The following CADM1 variants were observed in gnomAD, a reference collection of about 807,000 sequenced individuals.
CADM1 encodes TSLC-1.
A neutral mutation model predicts 53.1 loss-of-function variants in CADM1; 15 were observed. The ratio of observed to expected loss-of-function variants is 0.28; its 90% CI spans 0.19 to 0.44. The LOEUF is 0.44. Among genes scored for constraint, CADM1 ranks in the 20% least tolerant of loss-of-function variants. The pLI is 1.00. For synonymous variants in CADM1, 281 were observed against 243.0 expected, an observed-to-expected ratio of 1.16 and a Z score of -1.45; for missense variants, 434 against 611.3, an observed-to-expected ratio of 0.71 and a Z score of 3.06.
chr11:115,235,523 T>A (rs1322371810), intron 3 of CADM1, among the ~76,000 whole-genome samples: 1 of 152,176 alleles, frequency 6.6e-6, no homozygotes, highest in East Asian at 1.9e-4. Context: ...GAAAATCACA[T>A]AGAGGGAAAT....
At chr11:115,300,746 C>T (rs1275350428) in intron 1 of CADM1, among the ~76,000 whole-genome samples, 1 of 152,092 alleles carries the variant, frequency 6.6e-6, no homozygotes, top group Non-Finnish European at 1.5e-5. Context: ...ACATGGAGGG[C>T]TGCTTCCTCA....
intron 1 of CADM1, among the ~76,000 whole-genome samples, chr11:115,348,352 C>A (rs1288897872): frequency 1.3e-5 from 2 of 152,180 alleles, no homozygotes; most frequent in Non-Finnish European, 2.9e-5. Flanking sequence ...TTTCTTCCTG[C>A]AGACACATGC....
At chr11:115,257,276 TTA>T (rs1406659048) in intron 1 of CADM1, among the ~76,000 whole-genome samples, 5 of 152,210 alleles carry the variant, frequency 3.3e-5, no homozygotes, top group Non-Finnish European at 4.4e-5. Flanking sequence ...TTGTAGCACC[TTA>T]TACTTGGGAT....
At chr11:115,388,245 G>A (rs1343016606) in intron 1 of CADM1, among the ~76,000 whole-genome samples, 2 of 152,222 alleles carry the variant, frequency 1.3e-5, no homozygotes, top group East Asian at 3.9e-4. Flanking sequence ...GACAATGAGA[G>A]TGGGTGGGTG....
intron 1 of CADM1, among the ~76,000 whole-genome samples, chr11:115,481,125 C>T (rs1183508101): frequency 6.6e-6 from 1 of 152,140 alleles, no homozygotes; most frequent in East Asian, 1.9e-4. Context: ...GTCCCCTTCT[C>T]CCTCACCCTA....
At chr11:115,214,530 A>G in intron 7 of CADM1, 78 bp downstream of exon 7, 4 of 1,443,194 alleles carry the variant, frequency 2.8e-6, no homozygotes, top group Non-Finnish European at 2.9e-6. Context: ...AACTTGACCA[A>G]AAGCTTTGAG....
intron 1 of CADM1, among the ~76,000 whole-genome samples, chr11:115,443,118 A>C (rs549843514): frequency 1.0e-3 from 152 of 152,352 alleles, no homozygotes; most frequent in Non-Finnish European, 1.6e-3. Context: ...GAGTAAATAC[A>C]AATATTCTTG....
At chr11:115,352,351 T>C (rs1945759373) in intron 1 of CADM1, among the ~76,000 whole-genome samples, 1 of 152,220 alleles carries the variant, frequency 6.6e-6, no homozygotes, top group African/African-American at 2.4e-5. Context: ...GTGCCCTGCA[T>C]TTAAGAAGCA....
intron 1 of CADM1, among the ~76,000 whole-genome samples, chr11:115,286,274 A>C (rs925447637): frequency 1.5e-4 from 23 of 152,218 alleles, no homozygotes; most frequent in Admixed American, 1.2e-3. Context: ...ACAAGGGCTA[A>C]TATAATACTA....
In CADM1 at chr11:115,228,814, T is replaced by A. The variant is rs77422931; in HGVS notation, c.721+299A>T. On this transcript the variant is annotated intron_variant, in intron 5 of 11. Coordinates refer to ENST00000331581, the MANE Select transcript of CADM1 (RefSeq NM_001301043.2). Reference sequence around the variant, plus strand: ...AAAAGGGGGAAAATTACCCTAGATTTTGCAGTTGGCATAGAAATGATGACA... The same window carrying A: ...AAAAGGGGGAAAATTACCCTAGATTATGCAGTTGGCATAGAAATGATGACA... Among the ~76,000 whole-genome samples, 1,122 of 152,300 alleles carry A rather than the reference T, an allele frequency of 7.4e-3. 19 individuals are homozygous for A. Among genetic ancestry groups the A allele is most frequent in the African/African-American group, 0.026 (1,068 of 41,560 alleles).
Position 115,260,675 on chromosome 11 carries a change from TTTTA to T in CADM1, c.125-20259_125-20256del, listed in dbSNP as rs1026121350. On this transcript the variant is annotated intron_variant, in intron 1 of 11. Transcript: ENST00000331581. ...CTTTTTTTAAATTTTTATTTATTTA[TTTTA>T]TTTATTTTTTTCAGACGGGGTCTCG... Among the ~76,000 whole-genome samples the T allele has an allele frequency of 2.1e-3, 314 of 150,700 alleles. 1 individual carries two copies. The highest frequency in any genetic ancestry group is 7.4e-3 in the African/African-American group (298 of 40,114).
chr11:115,381,630 C>T (rs903424602), intron 1 of CADM1, among the ~76,000 whole-genome samples: 9 of 152,196 alleles, frequency 5.9e-5, no homozygotes, highest in South Asian at 4.1e-4. Context: ...CTTTCTCATT[C>T]GGTTGTTATA....
chr11:115,433,191 T>C (rs375640393), intron 1 of CADM1, among the ~76,000 whole-genome samples: 9 of 152,288 alleles, frequency 5.9e-5, no homozygotes, highest in African/African-American at 2.2e-4. Context: ...ACAGTGACTT[T>C]TCTTCTTCTT....
chr11:115,466,133 C>T (rs1948894727), intron 1 of CADM1, among the ~76,000 whole-genome samples: 1 of 152,116 alleles, frequency 6.6e-6, no homozygotes, highest in Admixed American at 6.6e-5. Flanking sequence ...TCCACCATTT[C>T]CCCCACCCTG....
At chr11:115,288,238 TG>T (rs1480788660) in intron 1 of CADM1, among the ~76,000 whole-genome samples, 8 of 152,114 alleles carry the variant, frequency 5.3e-5, no homozygotes, top group Non-Finnish European at 1.2e-4. Flanking sequence ...GAGATGATGT[TG>T]GGGAGAGAAT....
At chr11:115,489,027 C>T (rs1949437313) in intron 1 of CADM1, among the ~76,000 whole-genome samples, 2 of 152,132 alleles carry the variant, frequency 1.3e-5, no homozygotes, top group Admixed American at 1.3e-4. Context: ...CTCATGAAAG[C>T]TGAGGTGAAG....
At chr11:115,489,251 T>C (rs1949440746) in intron 1 of CADM1, among the ~76,000 whole-genome samples, 1 of 152,222 alleles carries the variant, frequency 6.6e-6, no homozygotes, top group Non-Finnish European at 1.5e-5. Flanking sequence ...AAGTCATTCC[T>C]TCAAGATACA....
intron 1 of CADM1, among the ~76,000 whole-genome samples, chr11:115,316,015 A>G (rs143962704): frequency 6.6e-6 from 1 of 152,300 alleles, no homozygotes; most frequent in Non-Finnish European, 1.5e-5. Flanking sequence ...GTAGACAGGC[A>G]TCCTGCGAAG....
chr11:115,199,138 C>T (rs1940301917), intron 8 of CADM1, among the ~76,000 whole-genome samples: 1 of 152,168 alleles, frequency 6.6e-6, no homozygotes, highest in Non-Finnish European at 1.5e-5. Flanking sequence ...CCATTCTTCA[C>T]TCTAAAGCTC....
Sources: allele counts gnomAD v4.1 joint callset (sites outside exome capture counted in the v4.1 genomes callset), GRCh38; gene constraint gnomAD v4.1.1; transcripts MANE v1.5; gene names NCBI Gene and HGNC (gene_info 2026-07-23, HGNC 2026-07-21).